Variants in GPM6A observed in about 807,000 individuals in gnomAD.
GPM6A encodes the protein neuronal membrane glycoprotein M6-a.
In GPM6A, 7 loss-of-function variants were observed where a neutral mutation model predicts 32.1. The ratio of observed to expected loss-of-function variants is 0.22; its 90% CI spans 0.12 to 0.41. The LOEUF (loss-of-function observed/expected upper bound fraction) is 0.41, where lower values mean the gene tolerates loss of function less well. Among genes scored for constraint, GPM6A ranks in the 10% least tolerant of loss-of-function variants. The probability of loss-of-function intolerance (pLI) is 1.00; values close to 1 mark genes in which losing one functional copy is unlikely to be tolerated. For missense variants in GPM6A, 235 were observed against 347.2 expected (o/e 0.68, Z 2.57); for synonymous variants, 130 against 123.4 (o/e 1.05, Z -0.35).
intron 1 of GPM6A, among the ~76,000 whole-genome samples, chr4:175,721,262 G>A (rs1746118693): frequency 6.6e-6 from 1 of 150,878 alleles, no homozygotes; most frequent in Admixed American, 6.6e-5. Flanking sequence ...GATCATCTGA[G>A]GTCAGGAGAT....
intron 1 of GPM6A, among the ~76,000 whole-genome samples, chr4:175,720,484 T>C (rs1235056520): frequency 6.6e-6 from 1 of 152,190 alleles, no homozygotes; most frequent in Admixed American, 6.5e-5. Context: ...ATCTTTATTA[T>C]TTCTAGAATA....
At chr4:175,664,815 T>C (rs1195212366) in intron 3 of GPM6A, among the ~76,000 whole-genome samples, 1 of 152,216 alleles carries the variant, frequency 6.6e-6, no homozygotes, top group Non-Finnish European at 1.5e-5. Context: ...AAGGAATTCA[T>C]TTTGAGAAAT....
At chr4:175,729,247 C>T (rs1259203200) in intron 1 of GPM6A, among the ~76,000 whole-genome samples, 2 of 152,108 alleles carry the variant, frequency 1.3e-5, no homozygotes, top group Admixed American at 1.3e-4. Context: ...TTAATAGTGC[C>T]TATTTTCATT....
chr4:175,888,711 G>C (rs887207649), intron 1 of GPM6A, among the ~76,000 whole-genome samples: 1 of 152,014 alleles, frequency 6.6e-6, no homozygotes, highest in African/African-American at 2.4e-5. Flanking sequence ...GAAGATAACA[G>C]ACCATGTTCA....
chr4:175,670,939 C>A (rs1435410200), intron 3 of GPM6A, among the ~76,000 whole-genome samples: 1 of 149,000 alleles, frequency 6.7e-6, no homozygotes, highest in African/African-American at 2.5e-5. Context: ...TCTGGGCTCA[C>A]TGCAACCTCT....
At chr4:175,979,226 A>G (rs1740751349) in intron 1 of GPM6A, among the ~76,000 whole-genome samples, 1 of 152,176 alleles carries the variant, frequency 6.6e-6, no homozygotes, top group Non-Finnish European at 1.5e-5. Flanking sequence ...CCATAAACTA[A>G]CGACTTGTTT....
At chr4:175,954,796 T>A (rs1211904579) in intron 1 of GPM6A, among the ~76,000 whole-genome samples, 1 of 152,208 alleles carries the variant, frequency 6.6e-6, no homozygotes, top group Admixed American at 6.5e-5. Flanking sequence ...TTTCTACATA[T>A]CTAGGGCAAG....
At chr4:175,635,103 C>T (rs768306938) in intron 6 of GPM6A, 46 bp from the exon 7 acceptor site, 1 of 1,388,652 alleles carries the variant, frequency 7.2e-7, no homozygotes, top group Admixed American at 1.7e-5. Context: ...TGTTCAGTGT[C>T]TTCATTACAC....
chr4:175,698,208 T>G (rs1324465767), intron 2 of GPM6A, among the ~76,000 whole-genome samples: 1 of 152,198 alleles, frequency 6.6e-6, no homozygotes, highest in Non-Finnish European at 1.5e-5. Context: ...TGGTTTTATC[T>G]TTTAGTTCAC....
intron 1 of GPM6A, among the ~76,000 whole-genome samples, chr4:175,806,362 C>T (rs1227390350): frequency 6.6e-6 from 1 of 152,204 alleles, no homozygotes; most frequent in East Asian, 1.9e-4. Flanking sequence ...AATATTTAAA[C>T]TTTAATTCAA....
At position 175,651,347 on chromosome 4, in the gene GPM6A, C is replaced by A. The variant is rs142129312; in HGVS notation, c.541+487G>T. On this transcript the variant is annotated intron_variant, in intron 4 of 6. Transcript: ENST00000393658. ...TAAATGAAAATAACCAAAGCAGACT[C>A]CTAATTTATTTAGCGTTTTTTTTTT... Among the ~76,000 whole-genome samples, 444 of 128,916 alleles carry A rather than the reference C, an allele frequency of 3.4e-3. 4 individuals carry two copies. Among genetic ancestry groups the A allele is most frequent in the Non-Finnish European group, 5.7e-3 (353 of 61,882 alleles). 84.6% of individuals were successfully genotyped at this position (128,916 alleles called of 152,430 possible).
chr4:175,877,421 G>C (rs1335590004), intron 1 of GPM6A, among the ~76,000 whole-genome samples: 1 of 152,148 alleles, frequency 6.6e-6, no homozygotes, highest in African/African-American at 2.4e-5. Flanking sequence ...CCCAAGACTA[G>C]GTAATTTATA....
chr4:175,785,347 T>A (rs1190204610), intron 1 of GPM6A, among the ~76,000 whole-genome samples: 1 of 152,162 alleles, frequency 6.6e-6, no homozygotes, highest in Non-Finnish European at 1.5e-5. Context: ...TGTCCCAGCA[T>A]CTTGCAGCCA....
At chr4:175,687,077 A>G (rs1744022078) in intron 2 of GPM6A, among the ~76,000 whole-genome samples, 2 of 152,218 alleles carry the variant, frequency 1.3e-5, no homozygotes, top group Non-Finnish European at 2.9e-5. Flanking sequence ...AGACTTCAGA[A>G]CAGAGTATCT....
At chr4:175,853,567 T>A in intron 1 of GPM6A, among the ~76,000 whole-genome samples, 2 of 143,856 alleles carry the variant, frequency 1.4e-5, no homozygotes, top group South Asian at 4.4e-4. Flanking sequence ...AGTAAGAAAA[T>A]CAGGAAATCT....
At chr4:175,932,006 A>T (rs1259094222) in intron 1 of GPM6A, among the ~76,000 whole-genome samples, 1 of 151,704 alleles carries the variant, frequency 6.6e-6, no homozygotes, top group Non-Finnish European at 1.5e-5. Context: ...GCAGGAGCCC[A>T]ATCACTTGAA....
chr4:175,865,689 T>C (rs1466925636), intron 1 of GPM6A, among the ~76,000 whole-genome samples: 1 of 152,172 alleles, frequency 6.6e-6, no homozygotes, highest in Non-Finnish European at 1.5e-5. Flanking sequence ...GTGATGCTAT[T>C]ACAATTGGTA....
intron 2 of GPM6A, among the ~76,000 whole-genome samples, chr4:175,688,291 C>G (rs187269342): frequency 7.2e-5 from 11 of 152,220 alleles, no homozygotes; most frequent in Middle Eastern, 3.4e-3. Flanking sequence ...AAGGTATGAA[C>G]TTTTCTCCTA....
At chr4:175,992,504 G>A (rs1170343681) in intron 1 of GPM6A, among the ~76,000 whole-genome samples, 1 of 152,090 alleles carries the variant, frequency 6.6e-6, no homozygotes, top group African/African-American at 2.4e-5. Flanking sequence ...GAGGATGTGG[G>A]GCTCAATACA....
Sources: gnomAD v4.1 joint callset for allele counts (sites outside exome capture counted in the v4.1 genomes callset) on GRCh38, gnomAD v4.1.1 for gene constraint, MANE v1.5 for transcripts, NCBI Gene and HGNC (gene_info 2026-07-23, HGNC 2026-07-21) for gene names.